NOS1AP: variants seen among roughly 807,000 people sequenced by gnomAD.
The protein encoded by NOS1AP is carboxyl-terminal PDZ ligand of neuronal nitric oxide synthase protein.
A neutral mutation model predicts 56.2 loss-of-function variants in NOS1AP; 21 were observed. The ratio of observed to expected loss-of-function variants is 0.37; its 90% CI spans 0.26 to 0.54. The LOEUF (loss-of-function observed/expected upper bound fraction) is 0.54. Among genes scored for constraint, NOS1AP ranks in the 20% least tolerant of loss-of-function variants. The pLI is 0.84. For missense variants in NOS1AP, 522 were observed against 657.8 expected (o/e 0.79, Z 2.26); for synonymous variants, 270 against 274.6 (o/e 0.98, Z 0.17).
At chr1:162,292,427 T>A (rs2101744718) in intron 3 of NOS1AP, among the ~76,000 whole-genome samples, 1 of 152,360 alleles carries the variant, frequency 6.6e-6, no homozygotes, top group African/African-American at 2.4e-5. Flanking sequence ...TACCTGCTAT[T>A]GCCCAGGCCT....
chr1:162,263,454 C>T (rs1449438210), intron 2 of NOS1AP, among the ~76,000 whole-genome samples: 1 of 152,174 alleles, frequency 6.6e-6, no homozygotes, highest in African/African-American at 2.4e-5. Context: ...GGCCCCACCT[C>T]CTAACACTGT....
rs145110423 is a variant in NOS1AP, at chr1:162,164,817, C to T, written c.177+10341C>T. 3.1e-3 allele frequency among the ~76,000 whole-genome samples: 476 copies of T among 152,234 alleles called. 1 individual carries two copies. Among genetic ancestry groups the T allele is most frequent in the African/African-American group, 0.011 (452 of 41,536 alleles). Reference sequence around the variant, plus strand: ...AAAGCAGCATATTATAGGACAAGGACGGAAAGCCATGGCAGCACACACTGA... The same window carrying T: ...AAAGCAGCATATTATAGGACAAGGATGGAAAGCCATGGCAGCACACACTGA... On this transcript the variant is annotated intron_variant, in intron 2 of 9. Transcript: ENST00000361897.
intron 2 of NOS1AP, among the ~76,000 whole-genome samples, chr1:162,159,859 T>A (rs1017864333): frequency 6.6e-6 from 1 of 152,196 alleles, no homozygotes; most frequent in African/African-American, 2.4e-5. Context: ...ATAGCTTTTT[T>A]AAGGATACTG....
At chr1:162,143,430 A>G (rs1027294261) in intron 1 of NOS1AP, among the ~76,000 whole-genome samples, 6 of 152,208 alleles carry the variant, frequency 3.9e-5, no homozygotes, top group African/African-American at 1.2e-4. Flanking sequence ...ATGATAATAC[A>G]AAGAATATTA....
intron 1 of NOS1AP, among the ~76,000 whole-genome samples, chr1:162,130,559 G>A (rs145908477): frequency 1.2e-4 from 19 of 152,308 alleles, no homozygotes; most frequent in African/African-American, 2.6e-4. Flanking sequence ...CCAAGAATAG[G>A]AGGAACAGAC....
chr1:162,240,588 C>T (rs1056849264), intron 2 of NOS1AP, among the ~76,000 whole-genome samples: 1 of 152,186 alleles, frequency 6.6e-6, no homozygotes, highest in African/African-American at 2.4e-5. Context: ...AAGTCTCACT[C>T]ACTGTTCTCC....
chr1:162,367,061 A>C lies in NOS1AP; in HGVS notation c.1115A>C (p.Gln372Pro). Residue 372 changes from glutamine to proline, a missense_variant, in exon 10 of 10, where the codon CAG becomes CCG. Physicochemically the swap from Gln to Pro is moderately conservative, Grantham distance 76. Transcript: ENST00000361897. The surrounding 1 kb of genome is among the most constrained non-coding windows in gnomAD (Gnocchi z 6.5). ...CTTGTCTCCCCTGCAGTGGGCTCCC[A>C]GGACAGCTTGCTGGAGATCACCTTC... Reference protein sequence around the residue: ...KLSGQNAMGSQDSLLEITFRS... With the variant: ...KLSGQNAMGSPDSLLEITFRS... 6.2e-7 allele frequency: 1 copy of C among 1,613,934 alleles called. No homozygotes were observed. The highest frequency in any genetic ancestry group is 8.5e-7 in the Non-Finnish European group (1 of 1,180,004).
At chr1:162,178,032 C>G (rs2102141971) in intron 2 of NOS1AP, among the ~76,000 whole-genome samples, 1 of 152,354 alleles carries the variant, frequency 6.6e-6, no homozygotes, top group Admixed American at 6.5e-5. Context: ...CTAGCAAACA[C>G]TGATCTTTTT....
intron 1 of NOS1AP, among the ~76,000 whole-genome samples, chr1:162,146,580 T>G (rs1017098233): frequency 1.3e-5 from 2 of 152,202 alleles, no homozygotes; most frequent in South Asian, 2.1e-4. Flanking sequence ...TGTGGGGTTG[T>G]GCTGCCAGAC....
rs1213705057 is a variant in NOS1AP at position 162,369,811 on chromosome 1, C to A, written c.*2344C>A. The stretch of plus-strand genomic sequence containing the variant: ...TGGTATCCTCCCCAGTGGACCCAAA[C>A]CAGCGCATACTTGGTGTGTGGAGAT... On this transcript the variant is annotated 3_prime_UTR_variant, in exon 10 of 10. Transcript: ENST00000361897. The A allele has an allele frequency of 2.6e-5, 4 of 152,180 alleles. No homozygotes were observed. The highest frequency in any genetic ancestry group is 1.9e-4 in the East Asian group (1 of 5,184). 9.4% of individuals were successfully genotyped at this position (152,180 alleles called of 1,614,324 possible). A position where few individuals can be genotyped will look rare whatever the true frequency, so the allele number is the denominator to read the frequency against.
At chr1:162,216,327 G>C (rs1652566614) in intron 2 of NOS1AP, among the ~76,000 whole-genome samples, 1 of 152,190 alleles carries the variant, frequency 6.6e-6, no homozygotes, top group South Asian at 2.1e-4. Context: ...ATCTAGGCTG[G>C]GACTGGAGGT....
Position 162,110,240 on chromosome 1 carries a change from GT to G in NOS1AP, c.105+39963del, listed in dbSNP as rs374976526. Among the ~76,000 whole-genome samples, 298 of 143,826 alleles carry G rather than the reference GT, an allele frequency of 2.1e-3. 5 individuals are homozygous for G. Among genetic ancestry groups the G allele is most frequent in the African/African-American group, 8.1e-3 (283 of 34,926 alleles). 94.4% of individuals were successfully genotyped at this position (143,826 alleles called of 152,430 possible). A position where few individuals can be genotyped will look rare whatever the true frequency, so the allele number is the denominator to read the frequency against. The stretch of plus-strand genomic sequence containing the variant: ...GCTTACAGTGTGCTTTTTAGGAAGA[GT>G]TTTTGCCCTAAGTTATATGTAGACC... On this transcript the variant is annotated intron_variant, in intron 1 of 9. Transcript: ENST00000361897.
chr1:162,309,140 TG>T (rs1467186557), intron 4 of NOS1AP, among the ~76,000 whole-genome samples: 1 of 152,264 alleles, frequency 6.6e-6, no homozygotes, highest in East Asian at 1.9e-4. Flanking sequence ...AGAGCTATTC[TG>T]TGATATTTGG....
At chr1:162,095,263 G>A (rs141387438) in intron 1 of NOS1AP, among the ~76,000 whole-genome samples, 54 of 152,260 alleles carry the variant, frequency 3.5e-4, no homozygotes, top group Middle Eastern at 6.8e-3. Context: ...TCATGATAGC[G>A]TGGTCCTCAT....
At chr1:162,163,415 C>T (rs1393261985) in intron 2 of NOS1AP, among the ~76,000 whole-genome samples, 1 of 152,070 alleles carries the variant, frequency 6.6e-6, no homozygotes, top group Non-Finnish European at 1.5e-5. Flanking sequence ...TTTTTTTCCC[C>T]ACTCATTTGA....
At chr1:162,166,885 C>G (rs1239349184) in intron 2 of NOS1AP, among the ~76,000 whole-genome samples, 2 of 152,152 alleles carry the variant, frequency 1.3e-5, no homozygotes, top group African/African-American at 4.8e-5. Context: ...GCAACTCAAG[C>G]CCTTTTGGTC....
intron 2 of NOS1AP, among the ~76,000 whole-genome samples, chr1:162,183,147 G>T (rs1199975062): frequency 2.0e-5 from 3 of 152,208 alleles, no homozygotes; most frequent in Non-Finnish European, 2.9e-5. Flanking sequence ...GTGTTAACAG[G>T]CATGAAAACA....
At chr1:162,102,483 C>T (rs1647327386) in intron 1 of NOS1AP, among the ~76,000 whole-genome samples, 1 of 152,170 alleles carries the variant, frequency 6.6e-6, no homozygotes, top group Admixed American at 6.5e-5. Flanking sequence ...GGAGGAGTCC[C>T]TCCTTTTCAA....
intron 1 of NOS1AP, 85 bp from the exon 2 acceptor site, chr1:162,154,320 G>A (rs59173243): frequency 8.6e-7 from 1 of 1,168,074 alleles, no homozygotes; most frequent in African/African-American, 1.5e-5. Context: ...GGGCAGATGA[G>A]CTAGTCCTTT....
Sources: allele counts gnomAD v4.1 joint callset (sites outside exome capture counted in the v4.1 genomes callset), GRCh38; gene constraint gnomAD v4.1.1; non-coding constraint Gnocchi (gnomAD v3.1); transcripts MANE v1.5; gene names NCBI Gene and HGNC (gene_info 2026-07-23, HGNC 2026-07-21).